The following FPGT variants were observed in gnomAD, a reference collection of about 807,000 sequenced individuals.
The protein encoded by FPGT is fucose-1-phosphate guanylyltransferase.
FPGT carries 41 observed loss-of-function variants against 45.8 expected under a neutral mutation model. The observed-to-expected ratio is 0.90, with a 90% CI of 0.70 to 1.16. The LOEUF (loss-of-function observed/expected upper bound fraction) is 1.16. Among genes scored for constraint, FPGT ranks in the 50% most tolerant of loss-of-function variants. FPGT has a pLI of 0.00. For missense variants in FPGT, 755 were observed against 689.1 expected (o/e 1.10, Z -1.07); for synonymous variants, 292 against 247.2 (o/e 1.18, Z -1.70).
At chr1:74,199,577 C>T in intron 1 of FPGT, 87 bp from the exon 2 acceptor site, 3 of 1,432,212 alleles carry the variant, frequency 2.1e-6, no homozygotes, top group South Asian at 2.8e-5. Flanking sequence ...ATATTACCTT[C>T]TTTATCATCT....
Position 74,206,661 on chromosome 1 carries a change from T to G in FPGT, c.*829T>G, listed in dbSNP as rs1246853081. 1 of 152,102 alleles carries G rather than the reference T, an allele frequency of 6.6e-6. No homozygotes were observed. The allele number at this position is 152,102 out of a possible 1,614,324, so 9.4% of individuals were successfully genotyped here. ...CTTCAATTACCAGATGAACTGACTT[T>G]AGTTTTCATCTTATTTTTTGTCCAC... On this transcript the variant is annotated 3_prime_UTR_variant, in exon 4 of 4. Transcript: ENST00000370898.
chr1:74,198,449 G>T (rs1557668661), intron 1 of FPGT, 89 bp downstream of exon 1: 3 of 1,553,766 alleles, frequency 1.9e-6, no homozygotes, highest in Non-Finnish European at 1.7e-6. Context: ...GTCACTTCCC[G>T]TTTACTTCTC....
intron 3 of FPGT, among the ~76,000 whole-genome samples, chr1:74,202,366 T>C (rs931268808): frequency 6.6e-6 from 1 of 152,216 alleles, no homozygotes; most frequent in Non-Finnish European, 1.5e-5. Flanking sequence ...GTAAAGATGA[T>C]GTCAAAGTAA....
intron 3 of FPGT, 134 bp from the exon 4 acceptor site, chr1:74,204,257 G>GT (rs1652069691): frequency 2.0e-6 from 1 of 506,104 alleles, no homozygotes; most frequent in African/African-American, 2.0e-5. Context: ...CTGATTTGCA[G>GT]TAACAAGTGG....
rs947695397 is a variant in FPGT, at chr1:74,206,671, C to T, written c.*839C>T. On this transcript the variant is annotated 3_prime_UTR_variant, in exon 4 of 4. Coordinates refer to ENST00000370898, the MANE Select transcript of FPGT (RefSeq NM_003838.5). ...CAGATGAACTGACTTTAGTTTTCATCTTATTTTTTGTCCACATGCTGGTGA... is the reference window on the plus strand; with the variant it reads ...CAGATGAACTGACTTTAGTTTTCATTTTATTTTTTGTCCACATGCTGGTGA... The T allele has an allele frequency of 6.6e-6, 1 of 152,008 alleles. No individual in the cohort carries two copies. The highest frequency in any genetic ancestry group is 2.1e-4 in the South Asian group (1 of 4,822). The allele number at this position is 152,008 out of a possible 1,614,324, so 9.4% of individuals were successfully genotyped here.
rs1341644719 is a variant in FPGT, at chr1:74,206,352, A to G, written c.*520A>G. On this transcript the variant is annotated 3_prime_UTR_variant, in exon 4 of 4. Transcript: ENST00000370898. ...CAATATATTGTGATTATTTTCGTTG[A>G]TAAAGAACTAGATACAAAGACCTCT... 6.6e-6 allele frequency: 1 copy of G among 152,184 alleles called. No homozygotes were observed. The highest frequency in any genetic ancestry group is 2.4e-5 in the African/African-American group (1 of 41,436). The allele number at this position is 152,184 out of a possible 1,614,324, so 9.4% of individuals were successfully genotyped here. A position where few individuals can be genotyped will look rare whatever the true frequency, so the allele number is the denominator to read the frequency against.
At chr1:74,198,390 G>C in intron 1 of FPGT, 30 bp downstream of exon 1, 1 of 1,613,134 alleles carries the variant, frequency 6.2e-7, no homozygotes, top group Non-Finnish European at 8.5e-7. Flanking sequence ...AGTTCTCCTG[G>C]GCAATGCAGA....
At chr1:74,198,503 T>C (rs1651436533) in intron 1 of FPGT, 143 bp downstream of exon 1, 1 of 1,162,730 alleles carries the variant, frequency 8.6e-7, no homozygotes, top group Admixed American at 2.3e-5. Flanking sequence ...TAGCTAATAA[T>C]CCTTTTGAGT....
In FPGT at chr1:74,205,390, C is replaced by T. The variant is rs55882158; in HGVS notation, c.1343C>T (p.Pro448Leu). Residue 448 changes from proline to leucine, a missense_variant, in exon 4 of 4, where the codon CCC becomes CTC. Coordinates refer to ENST00000370898, the MANE Select transcript of FPGT (RefSeq NM_003838.5). Reference protein sequence around the residue: ...GSYILTKAALPAHSFVCSLSL... With the variant: ...GSYILTKAALLAHSFVCSLSL... ...TACATCCTAACAAAAGCTGCCCTCC[C>T]CGCACATTCTTTTGTATGTTCCTTA... 4,535 of 1,613,924 alleles carry T rather than the reference C, an allele frequency of 2.8e-3. 6 individuals are homozygous for T. The highest frequency in any genetic ancestry group is 3.5e-3 in the Non-Finnish European group (4,153 of 1,179,792).
Position 74,208,554 on chromosome 1 carries a change from T to A in FPGT, c.*2722T>A, listed in dbSNP as rs777292521. Among the ~76,000 whole-genome samples the A allele has an allele frequency of 1.3e-5, 2 of 152,108 alleles. No individual in the cohort carries two copies. Among genetic ancestry groups the A allele is most frequent in the African/African-American group, 2.4e-5 (1 of 41,444 alleles). Reference sequence around the variant, plus strand: ...TTTGTAACTATAATCCATAAACTTATTGATGATTTAATAACTATCAACAAG... The same window carrying A: ...TTTGTAACTATAATCCATAAACTTAATGATGATTTAATAACTATCAACAAG... On this transcript the variant is annotated 3_prime_UTR_variant, in exon 4 of 4. Coordinates refer to ENST00000370898, the MANE Select transcript of FPGT (RefSeq NM_003838.5).
chr1:74,202,865 A>G (rs1335975095), intron 3 of FPGT, among the ~76,000 whole-genome samples: 2 of 152,124 alleles, frequency 1.3e-5, no homozygotes, highest in Admixed American at 6.5e-5. Context: ...AGACACAAAC[A>G]TATTAGCTTA....
rs1652303732 is a variant in FPGT at position 74,206,580 on chromosome 1, T to C, written c.*748T>C. On this transcript the variant is annotated 3_prime_UTR_variant, in exon 4 of 4. Coordinates refer to ENST00000370898, the MANE Select transcript of FPGT (RefSeq NM_003838.5). ...AATAATTGAGATTCATCAATAATCA[T>C]ATAATTTCACTATAGACATTACTTG... 6.6e-6 allele frequency: 1 copy of C among 152,222 alleles called. No homozygotes were observed. The highest frequency in any genetic ancestry group is 2.4e-5 in the African/African-American group (1 of 41,580). 9.4% of individuals were successfully genotyped at this position (152,222 alleles called of 1,614,324 possible).
chr1:74,200,504 T>G (rs1308553159), intron 2 of FPGT, among the ~76,000 whole-genome samples: 1 of 48,600 alleles, frequency 2.1e-5, no homozygotes, highest in Non-Finnish European at 5.8e-5. Context: ...TTTCTTTTTT[T>G]TTTTTTTTTT....
Position 74,204,494 on chromosome 1 carries a change from C to G in FPGT, c.447C>G (p.Ala149=), listed in dbSNP as rs368063418. The change falls in exon 4 of 4, where the codon GCC becomes GCG. Residue 149 remains alanine, a synonymous_variant. Coordinates refer to ENST00000370898, the MANE Select transcript of FPGT (RefSeq NM_003838.5). ...PIYQMLELKL[A]MYIDFPLNMN... is the part of the protein sequence containing the mutation. ...ATCAGATGCTAGAATTAAAACTAGC[C>G]ATGTACATTGATTTCCCCTTAAATA... 2.7e-4 allele frequency: 439 copies of G among 1,609,850 alleles called. 4 individuals are homozygous for G. The South Asian group carries it at 4.6e-3, about 17-fold the overall frequency.
intron 2 of FPGT, 78 bp downstream of exon 2, chr1:74,199,909 A>G (rs1442227283): frequency 6.6e-7 from 1 of 1,512,346 alleles, no homozygotes; most frequent in East Asian, 2.3e-5. Flanking sequence ...TGTGACTTAC[A>G]GTGTATAAGC....
intron 3 of FPGT, among the ~76,000 whole-genome samples, chr1:74,201,923 T>G (rs1651840302): frequency 1.3e-5 from 2 of 152,126 alleles, no homozygotes; most frequent in Admixed American, 1.3e-4. Context: ...GATTCTTGCT[T>G]TGAGGGAAGG....
In FPGT at chr1:74,204,858, GAT is replaced by G; in HGVS notation, c.813_814del (p.Asp271GlufsTer8). ...LKLDSDYVYTDSLFYMDHKSA... is the reference protein window; with the variant it reads ...LKLDSDYVYTXSLFYMDHKSA... ...ATTAGACTCTGACTATGTCTACACA[GAT>G]AGCCTATTTTATATGGATCATAAAT... On this transcript the variant is annotated frameshift_variant, in exon 4 of 4. Coordinates refer to ENST00000370898, the MANE Select transcript of FPGT (RefSeq NM_003838.5). LOFTEE classifies it high-confidence loss of function. 1 of 1,613,616 alleles carries G rather than the reference GAT, an allele frequency of 6.2e-7. No homozygotes were observed. Among genetic ancestry groups the G allele is most frequent in the Non-Finnish European group, 8.5e-7 (1 of 1,179,980 alleles).
In FPGT at chr1:74,199,816, G is replaced by C. The variant is rs1651611542; in HGVS notation, c.235G>C (p.Ala79Pro). The C allele has an allele frequency of 2.5e-6, 4 of 1,613,446 alleles. No homozygotes were observed. The highest frequency in any genetic ancestry group is 2.5e-6 in the Non-Finnish European group (3 of 1,179,876). ...TCAATATCACGTTTTTGTGGATCCT[G>C]CTGGAGCCAAAATTGGTACGCGCTT... Reference protein sequence around the residue: ...GVQYHVFVDPAGAKIGNGGST... With the variant: ...GVQYHVFVDPPGAKIGNGGST... The change falls in exon 2 of 4, where the codon GCT becomes CCT. Residue 79 changes from alanine (A) to proline (P), a missense_variant. Transcript: ENST00000370898.
At position 74,207,498 on chromosome 1, in the gene FPGT, A is replaced by AT. The variant is rs1411549067; in HGVS notation, c.*1674dup. Among the ~76,000 whole-genome samples the AT allele has an allele frequency of 1.3e-5, 2 of 151,758 alleles. No individual in the cohort carries two copies. The highest frequency in any genetic ancestry group is 2.4e-5 in the African/African-American group (1 of 41,420). On this transcript the variant is annotated 3_prime_UTR_variant, in exon 4 of 4. Transcript: ENST00000370898. ...AGTGCTCTACCACACTTATGTCTGG[A>AT]TTTTTTTTACCCAGCTACAGACCCA...
Sources: allele counts gnomAD v4.1 joint callset (sites outside exome capture counted in the v4.1 genomes callset), GRCh38; gene constraint gnomAD v4.1.1; transcripts MANE v1.5; gene names NCBI Gene and HGNC (gene_info 2026-07-23, HGNC 2026-07-21).